Variants in CNOT6 observed in about 807,000 individuals in gnomAD.
CNOT6 encodes CCR4-NOT transcription complex subunit 6.
A neutral mutation model predicts 61.2 loss-of-function variants in CNOT6; 12 were observed. The ratio of observed to expected loss-of-function variants is 0.20; its 90% CI spans 0.13 to 0.32. The LOEUF is 0.32. CNOT6 is among the 10% of genes least tolerant of loss of function. CNOT6 has a pLI of 1.00. For synonymous variants in CNOT6, 225 were observed against 240.6 expected, an observed-to-expected ratio of 0.94 and a Z score of 0.60; for missense variants, 405 against 663.9, an observed-to-expected ratio of 0.61 and a Z score of 4.28.
At chr5:180,526,884 T>A (rs1474691432) in intron 1 of CNOT6, among the ~76,000 whole-genome samples, 3 of 41,018 alleles carry the variant, frequency 7.3e-5, no homozygotes, top group Admixed American at 4.6e-4. Context: ...ACCGTAAAAC[T>A]TTTTTTTTTT....
intron 10 of CNOT6, 35 bp from the exon 11 acceptor site, chr5:180,571,195 A>C (rs764402180): frequency 7.1e-7 from 1 of 1,416,756 alleles, no homozygotes; most frequent in Non-Finnish European, 9.9e-7. Flanking sequence ...CTTTTTGTAT[A>C]TATTTGACAA....
At chr5:180,503,320 G>A (rs2127693276) in intron 1 of CNOT6, among the ~76,000 whole-genome samples, 1 of 148,604 alleles carries the variant, frequency 6.7e-6, no homozygotes, top group Non-Finnish European at 1.5e-5. Flanking sequence ...CTGGAATGCA[G>A]TGGAGCAATC....
At chr5:180,561,647 C>G (rs1760194286) in intron 4 of CNOT6, among the ~76,000 whole-genome samples, 1 of 152,218 alleles carries the variant, frequency 6.6e-6, no homozygotes, top group East Asian at 1.9e-4. Flanking sequence ...GGGAACCAGG[C>G]ACTGTCTCCT....
chr5:180,511,845 C>T (rs1309357083), intron 1 of CNOT6, among the ~76,000 whole-genome samples: 3 of 152,110 alleles, frequency 2.0e-5, no homozygotes, highest in African/African-American at 2.4e-5. Flanking sequence ...TGGCCTTGAA[C>T]TCCTGGGCTC....
At chr5:180,521,402 T>G (rs1212414218) in intron 1 of CNOT6, among the ~76,000 whole-genome samples, 1 of 152,218 alleles carries the variant, frequency 6.6e-6, no homozygotes, top group Non-Finnish European at 1.5e-5. Context: ...TCACATTCTC[T>G]TAAGGCTCAA....
chr5:180,496,473 G>A (rs1756620263), intron 1 of CNOT6, among the ~76,000 whole-genome samples: 2 of 152,124 alleles, frequency 1.3e-5, no homozygotes, highest in Admixed American at 1.3e-4. Context: ...GGGAGGGTAT[G>A]TTAATGGTTG....
intron 2 of CNOT6, among the ~76,000 whole-genome samples, chr5:180,545,588 A>T (rs1048138773): frequency 6.6e-6 from 1 of 152,110 alleles, no homozygotes; most frequent in Non-Finnish European, 1.5e-5. Flanking sequence ...AGTCCATTGT[A>T]TGGCTACGCC....
intron 1 of CNOT6, among the ~76,000 whole-genome samples, chr5:180,499,073 G>A (rs1581457704): frequency 6.6e-6 from 1 of 152,332 alleles, no homozygotes; most frequent in Non-Finnish European, 1.5e-5. Flanking sequence ...TTACAGGCGT[G>A]AGCCACCATG....
chr5:180,534,521 C>T (rs1758572143), intron 2 of CNOT6: 1 of 156,256 alleles, frequency 6.4e-6, no homozygotes, highest in African/African-American at 2.4e-5. Flanking sequence ...TGTGGAGGCA[C>T]TTGAAGTAGA....
chr5:180,509,390 A>T (rs554888127), intron 1 of CNOT6, among the ~76,000 whole-genome samples: 5 of 152,060 alleles, frequency 3.3e-5, no homozygotes, highest in African/African-American at 4.8e-5. Context: ...TGGCTTCCCA[A>T]AGTGCTGGGA....
chr5:180,535,286 C>T (rs1306106696), intron 2 of CNOT6, among the ~76,000 whole-genome samples: 3 of 152,220 alleles, frequency 2.0e-5, no homozygotes, highest in Admixed American at 6.5e-5. Flanking sequence ...GAACATTGTA[C>T]CCAAAAGGTA....
chr5:180,545,225 G>A (rs1434625022), intron 2 of CNOT6, among the ~76,000 whole-genome samples: 1 of 152,102 alleles, frequency 6.6e-6, no homozygotes, highest in Non-Finnish European at 1.5e-5. Flanking sequence ...TTTTGACTGT[G>A]TACACCCGTG....
chr5:180,519,828 A>T (rs1196760269), intron 1 of CNOT6, among the ~76,000 whole-genome samples: 7 of 121,936 alleles, frequency 5.7e-5, no homozygotes, highest in Non-Finnish European at 3.5e-5. Context: ...TTGGTTATCC[A>T]TTTGCTTTTT....
At chr5:180,526,571 G>A (rs919978825) in intron 1 of CNOT6, among the ~76,000 whole-genome samples, 1 of 152,198 alleles carries the variant, frequency 6.6e-6, no homozygotes, top group Non-Finnish European at 1.5e-5. Context: ...TCATCTAGGA[G>A]AAGGGGATAG....
chr5:180,563,670 T>C (rs577627439), intron 4 of CNOT6, among the ~76,000 whole-genome samples: 3 of 152,350 alleles, frequency 2.0e-5, no homozygotes, highest in South Asian at 2.1e-4. Flanking sequence ...ATCTGCCTTC[T>C]TCAAACTGCA....
At chr5:180,508,071 G>GGTGAAGGGGAAGCAGGTAGTCTTC (rs1265030916) in intron 1 of CNOT6, among the ~76,000 whole-genome samples, 3 of 151,442 alleles carry the variant, frequency 2.0e-5, no homozygotes, top group Admixed American at 1.3e-4. Flanking sequence ...GGATGGATTA[G>GGTGAAGGGGAAGCAGGTAGTCTTC]AGATGGGGAG....
intron 1 of CNOT6, among the ~76,000 whole-genome samples, chr5:180,507,327 TG>T (rs1757172069): frequency 2.0e-5 from 3 of 150,348 alleles, no homozygotes; most frequent in Admixed American, 2.0e-4. Flanking sequence ...GGGCCCGGTG[TG>T]GTGGCTCACG....
At chr5:180,541,787 T>A (rs2127735260) in intron 2 of CNOT6, among the ~76,000 whole-genome samples, 1 of 151,850 alleles carries the variant, frequency 6.6e-6, no homozygotes, top group Non-Finnish European at 1.5e-5. Context: ...TTTTTTTGTT[T>A]TTGAGATGGA....
chr5:180,529,569 A>G (rs1239663211), intron 2 of CNOT6, among the ~76,000 whole-genome samples, 181 bp downstream of exon 2: 1 of 152,258 alleles, frequency 6.6e-6, no homozygotes, highest in African/African-American at 2.4e-5. Context: ...AAAGAATATG[A>G]TTTGAGTCAA....
Sources: gnomAD v4.1 joint callset for allele counts (sites outside exome capture counted in the v4.1 genomes callset) on GRCh38, gnomAD v4.1.1 for gene constraint, MANE v1.5 for transcripts, NCBI Gene and HGNC (gene_info 2026-07-23, HGNC 2026-07-21) for gene names.